Variants in REDIC1 observed in about 807,000 individuals in gnomAD.
The protein encoded by REDIC1 is regulator of DNA class I crossover intermediates 1.
At chr12:39,690,433 AG>A in the REDIC1 span, among the ~76,000 whole-genome samples, 2 of 152,180 alleles carry the variant, frequency 1.3e-5, no homozygotes, top group Non-Finnish European at 2.9e-5. Flanking sequence ...AAAATTCAAG[AG>A]TGATGATGTC....
the REDIC1 span, among the ~76,000 whole-genome samples, chr12:39,666,119 A>C: frequency 6.6e-6 from 1 of 152,184 alleles, no homozygotes; most frequent in South Asian, 2.1e-4. Flanking sequence ...AGGAGTGGTG[A>C]GAGAGGGCAT....
chr12:39,627,760 A>G, the REDIC1 span, among the ~76,000 whole-genome samples: 5 of 152,266 alleles, frequency 3.3e-5, no homozygotes, highest in African/African-American at 1.2e-4. Context: ...AAATGTAGAG[A>G]CAAATCTCTA....
chr12:39,730,484 C>T, the REDIC1 span, among the ~76,000 whole-genome samples: 1 of 152,032 alleles, frequency 6.6e-6, no homozygotes, highest in Admixed American at 6.6e-5. Context: ...GAATATTGGC[C>T]CCCAACTTTC....
chr12:39,660,050 T>C, the REDIC1 span, among the ~76,000 whole-genome samples: 1 of 152,092 alleles, frequency 6.6e-6, no homozygotes, highest in Non-Finnish European at 1.5e-5. Context: ...CCTTGAATTA[T>C]GAAATTTTCC....
At chr12:39,802,054 G>C in the REDIC1 span, among the ~76,000 whole-genome samples, 1 of 152,132 alleles carries the variant, frequency 6.6e-6, no homozygotes, top group African/African-American at 2.4e-5. Context: ...AACTACAAAA[G>C]TGATATAATA....
chr12:39,645,859 C>T, the REDIC1 span, among the ~76,000 whole-genome samples: 1 of 152,082 alleles, frequency 6.6e-6, no homozygotes, highest in African/African-American at 2.4e-5. Context: ...ACTGCAGCCT[C>T]CTTAGTAACT....
At chr12:39,775,633 C>T in the REDIC1 span, among the ~76,000 whole-genome samples, 1 of 152,178 alleles carries the variant, frequency 6.6e-6, no homozygotes, top group African/African-American at 2.4e-5. Flanking sequence ...TTCATAAAGT[C>T]TACCTGGAAA....
At chr12:39,900,513 C>A in the REDIC1 span, among the ~76,000 whole-genome samples, 806 of 152,058 alleles carry the variant, frequency 5.3e-3, 9 homozygotes, top group African/African-American at 0.019. Flanking sequence ...AATCAATGTG[C>A]AAAAATCACA....
At chr12:39,656,016 T>C in the REDIC1 span, among the ~76,000 whole-genome samples, 2 of 152,170 alleles carry the variant, frequency 1.3e-5, no homozygotes, top group Non-Finnish European at 2.9e-5. Context: ...TAAACCAACC[T>C]TGTATTCCTG....
chr12:39,784,413 T>A, the REDIC1 span, among the ~76,000 whole-genome samples: 14 of 152,076 alleles, frequency 9.2e-5, no homozygotes, highest in African/African-American at 3.1e-4. Flanking sequence ...CCCGCAGAAA[T>A]AATGCCACAC....
At chr12:39,655,736 G>T in the REDIC1 span, among the ~76,000 whole-genome samples, 1 of 152,168 alleles carries the variant, frequency 6.6e-6, no homozygotes, top group Non-Finnish European at 1.5e-5. Context: ...ACCACTCATG[G>T]ATCTAGGGGT....
chr12:39,733,088 C>CACACACA, the REDIC1 span, among the ~76,000 whole-genome samples: 1 of 151,862 alleles, frequency 6.6e-6, no homozygotes, highest in African/African-American at 2.4e-5. Context: ...CACACACACA[C>CACACACA]ACACACACTT....
At chr12:39,691,814 A>G in the REDIC1 span, among the ~76,000 whole-genome samples, 1 of 152,034 alleles carries the variant, frequency 6.6e-6, no homozygotes, top group Admixed American at 6.5e-5. Context: ...TTTCTCAGTA[A>G]TTCATTTCTT....
the REDIC1 span, among the ~76,000 whole-genome samples, chr12:39,634,090 G>T: frequency 0.016 from 2,472 of 152,068 alleles, 65 homozygotes; most frequent in African/African-American, 0.054. Flanking sequence ...ATTTGTTTGT[G>T]TCCTCTTTTA....
chr12:39,845,558 G>T, the REDIC1 span, among the ~76,000 whole-genome samples: 16 of 152,086 alleles, frequency 1.1e-4, no homozygotes, highest in Non-Finnish European at 1.8e-4. Context: ...TGAATGTGGA[G>T]GACAAAGTGA....
chr12:39,703,767 A>G, the REDIC1 span, among the ~76,000 whole-genome samples: 3,084 of 152,296 alleles, frequency 0.02, 42 homozygotes, highest in South Asian at 0.029. Context: ...GCCCTCAGTA[A>G]TAACGCCACA....
the REDIC1 span, among the ~76,000 whole-genome samples, chr12:39,799,684 G>T: frequency 6.6e-6 from 1 of 152,146 alleles, no homozygotes; most frequent in South Asian, 2.1e-4. Flanking sequence ...CAATTCAAAT[G>T]GTAGAGAATG....
chr12:39,721,331 A>G, the REDIC1 span: 3 of 1,187,756 alleles, frequency 2.5e-6, no homozygotes, highest in East Asian at 4.9e-5. Context: ...TTTCATTAAC[A>G]TGATAAGAAA....
the REDIC1 span, chr12:39,648,071 G>A: frequency 1.1e-6 from 1 of 896,640 alleles, no homozygotes; most frequent in Non-Finnish European, 1.5e-6. Context: ...TTTACATTTT[G>A]AATTGCTATA....
Sources: gnomAD v4.1 joint callset for allele counts (sites outside exome capture counted in the v4.1 genomes callset) on GRCh38, gnomAD v4.1.1 for gene constraint, MANE v1.5 for transcripts, NCBI Gene and HGNC (gene_info 2026-07-23, HGNC 2026-07-21) for gene names.